The following CSMD1 variants were observed in gnomAD, a reference collection of about 807,000 sequenced individuals.
The protein encoded by CSMD1 is CUB and Sushi multiple domains 1, also known as CUB and sushi domain-containing protein 1.
Under a neutral mutation model 417.5 loss-of-function variants are expected in CSMD1, and 213 were observed. The ratio of observed to expected loss-of-function variants is 0.51; its 90% CI spans 0.46 to 0.57. The LOEUF (loss-of-function observed/expected upper bound fraction) is 0.57. CSMD1 is among the 20% of genes least tolerant of loss of function. The pLI is 0.00. For synonymous variants in CSMD1, 2,862 were observed against 1,736.8 expected, an observed-to-expected ratio of 1.65 and a Z score of -16.11; for missense variants, 6,923 against 4,529.7, an observed-to-expected ratio of 1.53 and a Z score of -15.17.
chr8:4,953,112 G>T (rs375605345), intron 1 of CSMD1, among the ~76,000 whole-genome samples: 102 of 152,242 alleles, frequency 6.7e-4, no homozygotes, highest in Middle Eastern at 6.8e-3. Context: ...AAATGGAATT[G>T]TAACAGTTAT....
At chr8:3,660,816 C>T (rs373472917) in intron 7 of CSMD1, among the ~76,000 whole-genome samples, 6 of 152,140 alleles carry the variant, frequency 3.9e-5, no homozygotes, top group Non-Finnish European at 5.9e-5. Flanking sequence ...CCACCCCGCC[C>T]GACTGACTTT....
rs1000670516 is a variant in CSMD1, at chr8:3,432,610, G to C, written c.1562-23005C>G. Among the ~76,000 whole-genome samples the C allele has an allele frequency of 5.3e-5, 8 of 150,146 alleles. No homozygotes were observed. In the South Asian group the frequency reaches 1.7e-3, roughly 32 times the overall value. ...CTGCAACCTCAACTTCTGCCTCCCG[G>C]GATCAAGAGATTCTCCTGCCTCAGC... On this transcript the variant is annotated intron_variant, in intron 12 of 69. Coordinates refer to ENST00000635120, the MANE Select transcript of CSMD1 (RefSeq NM_033225.6).
intron 46 of CSMD1, among the ~76,000 whole-genome samples, chr8:3,106,325 G>A (rs1488888772): frequency 1.3e-5 from 2 of 152,086 alleles, no homozygotes; most frequent in Admixed American, 6.6e-5. Flanking sequence ...TGAGACCAGG[G>A]AGGTTGAGGC....
At chr8:4,505,790 C>CA (rs1267514522) in intron 2 of CSMD1, among the ~76,000 whole-genome samples, 1 of 151,888 alleles carries the variant, frequency 6.6e-6, no homozygotes, top group Non-Finnish European at 1.5e-5. Context: ...ATATGAGTTC[C>CA]ACACTCATGT....
chr8:4,329,875 GAC>G (rs1799771750), intron 3 of CSMD1, among the ~76,000 whole-genome samples: 2 of 122,472 alleles, frequency 1.6e-5, no homozygotes, highest in East Asian at 2.2e-4. Flanking sequence ...CACACACACA[GAC>G]ACACACACTC....
intron 3 of CSMD1, among the ~76,000 whole-genome samples, chr8:4,115,964 TTTTATTTATTTA>T (rs35791469): frequency 0.3 from 39,686 of 133,984 alleles, 6,037 homozygotes; most frequent in East Asian, 0.33. Flanking sequence ...GTTTTCATTA[TTTTATTTATTTA>T]TTTATTTATT....
chr8:4,365,178 G>A (rs1009548401), intron 3 of CSMD1, among the ~76,000 whole-genome samples: 7 of 152,006 alleles, frequency 4.6e-5, no homozygotes, highest in African/African-American at 1.7e-4. Context: ...TGGTAGTTTT[G>A]CTCACAATAA....
At chr8:4,114,145 C>G (rs927861484) in intron 3 of CSMD1, among the ~76,000 whole-genome samples, 36 of 152,148 alleles carry the variant, frequency 2.4e-4, no homozygotes, top group Non-Finnish European at 1.5e-5. Context: ...TAAGTCAATG[C>G]TTGGCTTAAA....
chr8:3,410,522 T>G (rs911978011), intron 12 of CSMD1, among the ~76,000 whole-genome samples: 1 of 151,840 alleles, frequency 6.6e-6, no homozygotes, highest in African/African-American at 2.4e-5. Flanking sequence ...TAAGGGGGAG[T>G]TGCCCTGCAC....
intron 2 of CSMD1, among the ~76,000 whole-genome samples, chr8:4,530,314 CTTTTTTTTTTTTT>C (rs759268228): frequency 1.1e-4 from 5 of 46,658 alleles, no homozygotes; most frequent in East Asian, 7.4e-4. Flanking sequence ...ACAGGTAGTG[CTTTTTTTTTTTTT>C]TTTTTTTTTT....
intron 3 of CSMD1, among the ~76,000 whole-genome samples, chr8:4,257,477 A>G (rs1283436500): frequency 6.6e-6 from 1 of 152,194 alleles, no homozygotes; most frequent in African/African-American, 2.4e-5. Context: ...TTAAGAATGC[A>G]TATATTTCTA....
At chr8:3,789,533 C>T (rs1436081756) in intron 5 of CSMD1, among the ~76,000 whole-genome samples, 1 of 146,682 alleles carries the variant, frequency 6.8e-6, no homozygotes, top group Non-Finnish European at 1.5e-5. Context: ...TATGCTAGTA[C>T]TTTAATACTC....
chr8:3,776,807 G>GATATATAGATATATATATATATAT (rs1371493777), intron 5 of CSMD1, among the ~76,000 whole-genome samples: 55 of 139,984 alleles, frequency 3.9e-4, no homozygotes, highest in African/African-American at 1.5e-3. Flanking sequence ...ATATAGACGA[G>GATATATAGATATATATATATATAT]ATATATATAT....
chr8:3,345,904 T>C (rs1456911975), intron 22 of CSMD1, among the ~76,000 whole-genome samples: 1 of 152,202 alleles, frequency 6.6e-6, no homozygotes, highest in African/African-American at 2.4e-5. Flanking sequence ...ATTCCTTTCA[T>C]GACATGCTTC....
intron 3 of CSMD1, among the ~76,000 whole-genome samples, chr8:4,146,794 G>C (rs114540878): frequency 0.028 from 4,184 of 149,100 alleles, 378 homozygotes; most frequent in African/African-American, 0.1. Context: ...TGTATTTTTA[G>C]TAGAGACGAG....
chr8:3,874,775 G>C lies in CSMD1; in HGVS notation c.819-120733C>G, dbSNP rs565336542. On this transcript the variant is annotated intron_variant, in intron 5 of 69. Transcript: ENST00000635120. ...ACCATGTCTGTGACGGGGAAGGACA[G>C]GGTTTGGAAGGAGATGCAGACATTA... Among the ~76,000 whole-genome samples, 7 of 152,264 alleles carry C rather than the reference G, an allele frequency of 4.6e-5. No individual in the cohort carries two copies. The South Asian group carries it at 8.3e-4, about 18-fold the overall frequency.
At chr8:3,004,990 T>A (rs1807753033) in intron 52 of CSMD1, among the ~76,000 whole-genome samples, 1 of 151,982 alleles carries the variant, frequency 6.6e-6, no homozygotes, top group Non-Finnish European at 1.5e-5. Flanking sequence ...AATACAAAAA[T>A]TAGCTGAGCA....
At chr8:4,453,153 T>G (rs1486245000) in intron 2 of CSMD1, among the ~76,000 whole-genome samples, 1 of 151,854 alleles carries the variant, frequency 6.6e-6, no homozygotes, top group Non-Finnish European at 1.5e-5. Context: ...GAGGCAAATA[T>G]GGCACAAGCC....
intron 49 of CSMD1, among the ~76,000 whole-genome samples, chr8:3,074,966 C>T (rs1026203253): frequency 6.6e-6 from 1 of 152,056 alleles, no homozygotes; most frequent in African/African-American, 2.4e-5. Flanking sequence ...GATGATGGGG[C>T]CGGATTTCTC....
Sources: allele counts gnomAD v4.1 joint callset (sites outside exome capture counted in the v4.1 genomes callset), GRCh38; gene constraint gnomAD v4.1.1; transcripts MANE v1.5; gene names NCBI Gene and HGNC (gene_info 2026-07-23, HGNC 2026-07-21).